AUTS2: variants seen among roughly 807,000 people sequenced by gnomAD.
AUTS2 encodes activator of transcription and developmental regulator AUTS2, also known as autism susceptibility gene 2 protein.
AUTS2 carries 17 observed loss-of-function variants against 112.4 expected under a neutral mutation model. The ratio of observed to expected loss-of-function variants is 0.15; its 90% confidence interval spans 0.10 to 0.23. The LOEUF is 0.23. Among genes scored for constraint, AUTS2 ranks in the 10% least tolerant of loss-of-function variants. The probability of loss-of-function intolerance (pLI) is 1.00; values close to 1 mark genes in which losing one functional copy is unlikely to be tolerated. For missense variants in AUTS2, 1,510 were observed against 1,701.6 expected (o/e 0.89, Z 1.98); for synonymous variants, 751 against 702.7 (o/e 1.07, Z -1.09).
chr7:69,690,778 C>T (rs1215934958), intron 1 of AUTS2, among the ~76,000 whole-genome samples: 1 of 152,196 alleles, frequency 6.6e-6, no homozygotes, highest in East Asian at 1.9e-4. Context: ...TGCAATGTGG[C>T]TATTGGGGGT....
chr7:69,668,833 G>GT (rs1796188304), intron 1 of AUTS2, among the ~76,000 whole-genome samples: 1 of 152,056 alleles, frequency 6.6e-6, no homozygotes, highest in Non-Finnish European at 1.5e-5. Flanking sequence ...GAATTACTGT[G>GT]TTTTTTTCCT....
At position 69,939,020 on chromosome 7, in the gene AUTS2, A is replaced by G. The variant is rs190341155; in HGVS notation, c.522+39522A>G. 2.0e-3 allele frequency among the ~76,000 whole-genome samples: 303 copies of G among 152,334 alleles called. 1 individual carries two copies. Among genetic ancestry groups the G allele is most frequent in the South Asian group, 0.01 (50 of 4,834 alleles). ...AGATATATTTGATTTAAGTAAATCA[A>G]TTTGTAAAGATTTAGATTTCATAAT... On this transcript the variant is annotated intron_variant, in intron 2 of 18. Transcript: ENST00000342771.
chr7:70,044,970 T>C (rs1801435397), intron 2 of AUTS2, among the ~76,000 whole-genome samples: 1 of 151,994 alleles, frequency 6.6e-6, no homozygotes, highest in East Asian at 1.9e-4. Flanking sequence ...TTTTCGAACC[T>C]TATGTTTGGC....
chr7:70,009,725 C>A (rs1799711680), intron 2 of AUTS2, among the ~76,000 whole-genome samples: 1 of 152,132 alleles, frequency 6.6e-6, no homozygotes, highest in East Asian at 1.9e-4. Context: ...GCCATATAAT[C>A]TATGGTATTA....
chr7:70,220,675 A>G (rs1455989804), intron 4 of AUTS2, among the ~76,000 whole-genome samples: 1 of 152,228 alleles, frequency 6.6e-6, no homozygotes, highest in Non-Finnish European at 1.5e-5. Context: ...TGGATCCTGA[A>G]GAAAAAGGCT....
At chr7:69,978,562 G>A (rs913621245) in intron 2 of AUTS2, among the ~76,000 whole-genome samples, 2 of 152,172 alleles carry the variant, frequency 1.3e-5, no homozygotes, top group African/African-American at 4.8e-5. Flanking sequence ...TTATTGGTTG[G>A]ATGCAGTGGC....
chr7:70,039,306 G>A (rs1013140355), intron 2 of AUTS2, among the ~76,000 whole-genome samples: 2 of 151,828 alleles, frequency 1.3e-5, no homozygotes, highest in African/African-American at 4.8e-5. Flanking sequence ...ATTCACTACC[G>A]GTTCTTCAGA....
intron 2 of AUTS2, among the ~76,000 whole-genome samples, chr7:70,116,630 C>T (rs1805370611): frequency 6.6e-6 from 1 of 152,212 alleles, no homozygotes; most frequent in Admixed American, 6.5e-5. Flanking sequence ...CAAAGGAACT[C>T]TGTTTCAAAT....
At chr7:69,985,322 G>C (rs76506832) in intron 2 of AUTS2, among the ~76,000 whole-genome samples, 2,881 of 151,948 alleles carry the variant, frequency 0.019, 101 homozygotes, top group African/African-American at 0.066. Flanking sequence ...GCAGCTCTGT[G>C]GTTCCATCAC....
intron 5 of AUTS2, among the ~76,000 whole-genome samples, chr7:70,546,369 G>A (rs576562616): frequency 3.9e-5 from 6 of 152,274 alleles, no homozygotes; most frequent in South Asian, 4.1e-4. Context: ...GCTTGAACCC[G>A]GGAGGTGGAG....
intron 5 of AUTS2, among the ~76,000 whole-genome samples, chr7:70,696,943 A>G (rs1444584172): frequency 1.3e-5 from 2 of 152,220 alleles, no homozygotes; most frequent in Non-Finnish European, 2.9e-5. Flanking sequence ...ATTCAAAAAG[A>G]ATTCCAACCC....
intron 4 of AUTS2, among the ~76,000 whole-genome samples, chr7:70,349,099 C>A (rs1177322393): frequency 6.6e-6 from 1 of 152,186 alleles, no homozygotes; most frequent in African/African-American, 2.4e-5. Flanking sequence ...ACTATCATGA[C>A]CCATTTTACA....
intron 5 of AUTS2, among the ~76,000 whole-genome samples, chr7:70,472,564 T>C (rs1261286279): frequency 6.6e-6 from 1 of 152,154 alleles, no homozygotes; most frequent in Non-Finnish European, 1.5e-5. Flanking sequence ...TTTTTTAAAA[T>C]TACCAGCCAT....
intron 4 of AUTS2, among the ~76,000 whole-genome samples, chr7:70,237,472 A>G (rs1216901716): frequency 6.6e-6 from 1 of 152,174 alleles, no homozygotes; most frequent in Non-Finnish European, 1.5e-5. Flanking sequence ...GGACTCTTCT[A>G]CTCATATGAT....
At chr7:70,112,184 TTTC>T (rs1805121608) in intron 2 of AUTS2, among the ~76,000 whole-genome samples, 1 of 151,808 alleles carries the variant, frequency 6.6e-6, no homozygotes, top group African/African-American at 2.4e-5. Context: ...TAATTTTCAT[TTTC>T]TTAATTTTTA....
chr7:70,502,756 C>T (rs1254273361), intron 5 of AUTS2, among the ~76,000 whole-genome samples: 1 of 152,144 alleles, frequency 6.6e-6, no homozygotes, highest in Non-Finnish European at 1.5e-5. Context: ...TTAGAAAGTT[C>T]CCATTCAGAA....
chr7:69,834,284 A>G (rs754604150), intron 1 of AUTS2, among the ~76,000 whole-genome samples: 18 of 152,178 alleles, frequency 1.2e-4, no homozygotes, highest in Non-Finnish European at 2.4e-4. Context: ...AAATTATTTT[A>G]CAACGAAATT....
At chr7:70,534,675 C>T (rs1467309206) in intron 5 of AUTS2, among the ~76,000 whole-genome samples, 1 of 152,188 alleles carries the variant, frequency 6.6e-6, no homozygotes, top group Non-Finnish European at 1.5e-5. Context: ...ATCCGCCCAC[C>T]TCGGCCTCCC....
intron 4 of AUTS2, among the ~76,000 whole-genome samples, chr7:70,209,602 T>G (rs1810752321): frequency 6.6e-6 from 1 of 151,850 alleles, no homozygotes; most frequent in Admixed American, 6.6e-5. Context: ...GTGAAGGAGA[T>G]GAAGAAGGAG....
Sources: allele counts gnomAD v4.1 joint callset (sites outside exome capture counted in the v4.1 genomes callset), GRCh38; gene constraint gnomAD v4.1.1; transcripts MANE v1.5; gene names NCBI Gene and HGNC (gene_info 2026-07-23, HGNC 2026-07-21).